Variants in HIBADH observed in about 807,000 individuals in gnomAD.
HIBADH encodes 3-hydroxyisobutyrate dehydrogenase.
In HIBADH, 25 loss-of-function variants were observed where a neutral mutation model predicts 36.1. The observed-to-expected ratio is 0.69, with a 90% CI of 0.50 to 0.97. HIBADH has a LOEUF of 0.97. Among genes scored for constraint, HIBADH ranks in the 50% least tolerant of loss-of-function variants. The pLI is 0.00. For synonymous variants in HIBADH, 160 were observed against 149.5 expected, an observed-to-expected ratio of 1.07 and a Z score of -0.51; for missense variants, 421 against 418.0, an observed-to-expected ratio of 1.01 and a Z score of -0.06.
chr7:27,578,710 T>G (rs1215125087), intron 4 of HIBADH, among the ~76,000 whole-genome samples: 3 of 151,982 alleles, frequency 2.0e-5, no homozygotes, highest in Non-Finnish European at 4.4e-5. Context: ...AAAACCACAT[T>G]TTTTTTTGTT....
chr7:27,658,501 T>C (rs888818229), intron 1 of HIBADH, among the ~76,000 whole-genome samples: 7 of 152,226 alleles, frequency 4.6e-5, no homozygotes, highest in Non-Finnish European at 1.0e-4. Flanking sequence ...CGTATCTTGA[T>C]AACCTTAAGT....
intron 2 of HIBADH, 72 bp downstream of exon 2, chr7:27,649,401 C>T (rs1374543632): frequency 1.5e-5 from 18 of 1,212,492 alleles, no homozygotes; most frequent in Non-Finnish European, 1.8e-5. Flanking sequence ...TTCTAAGAAG[C>T]TGTCACTTAT....
chr7:27,579,607 T>G (rs147355319), intron 4 of HIBADH, among the ~76,000 whole-genome samples: 3 of 152,342 alleles, frequency 2.0e-5, no homozygotes, highest in African/African-American at 7.2e-5. Context: ...TTCGTATTAT[T>G]ACATTGCTGA....
At chr7:27,527,271 AAGG>A (rs1783917534) in intron 7 of HIBADH, among the ~76,000 whole-genome samples, 1 of 152,204 alleles carries the variant, frequency 6.6e-6, no homozygotes, top group Admixed American at 6.5e-5. Flanking sequence ...AAAAGCTTCA[AAGG>A]AGAAGTGACA....
Position 27,629,498 on chromosome 7 carries a change from T to A in HIBADH, c.363-6A>T. ...ATGAGCCCTTCTTCACTTTTCTAAG[T>A]AAATAAATAAAAATATTTGTAGTTT... On this transcript the variant is annotated splice_region_variant and splice_polypyrimidine_tract_variant and intron_variant, in intron 3 of 7. Transcript: ENST00000265395. The A allele has an allele frequency of 6.5e-7, 1 of 1,541,942 alleles. No homozygotes were observed. Among genetic ancestry groups the A allele is most frequent in the Non-Finnish European group, 8.8e-7 (1 of 1,139,964 alleles).
At chr7:27,661,476 T>C (rs1786416311) in intron 1 of HIBADH, among the ~76,000 whole-genome samples, 1 of 150,828 alleles carries the variant, frequency 6.6e-6, no homozygotes, top group African/African-American at 2.4e-5. Context: ...TAATCCCAGC[T>C]ACTCGGGAGG....
chr7:27,650,463 TA>T (rs1414562248), intron 1 of HIBADH, among the ~76,000 whole-genome samples: 60 of 22,064 alleles, frequency 2.7e-3, no homozygotes, highest in East Asian at 0.071. Context: ...ATTATATTTT[TA>T]TTTATTTATT....
intron 1 of HIBADH, among the ~76,000 whole-genome samples, chr7:27,650,642 A>C (rs1786170247): frequency 6.7e-6 from 1 of 149,200 alleles, no homozygotes; most frequent in African/African-American, 2.5e-5. Flanking sequence ...ACAGACACGC[A>C]CCACCATGCC....
At chr7:27,563,396 C>T (rs141609918) in intron 4 of HIBADH, among the ~76,000 whole-genome samples, 2 of 152,168 alleles carry the variant, frequency 1.3e-5, no homozygotes, top group Non-Finnish European at 2.9e-5. Context: ...TTTATCCAGG[C>T]TAGCATGAAG....
chr7:27,535,091 T>C (rs537246520), intron 6 of HIBADH, among the ~76,000 whole-genome samples: 8 of 149,654 alleles, frequency 5.3e-5, no homozygotes, highest in African/African-American at 1.7e-4. Context: ...ATTAAGAAAT[T>C]TGTATGATGG....
intron 2 of HIBADH, among the ~76,000 whole-genome samples, chr7:27,648,512 A>G (rs1786118126): frequency 6.6e-6 from 1 of 152,184 alleles, no homozygotes; most frequent in Admixed American, 6.5e-5. Context: ...TTTCAAGTCT[A>G]TTATCTAGAA....
intron 2 of HIBADH, among the ~76,000 whole-genome samples, chr7:27,634,276 C>T (rs541781936): frequency 1.3e-5 from 2 of 152,194 alleles, no homozygotes; most frequent in South Asian, 4.1e-4. Context: ...CAATGAGATA[C>T]ATTCAACCTG....
intron 4 of HIBADH, among the ~76,000 whole-genome samples, chr7:27,561,574 C>T (rs2128186840): frequency 6.6e-6 from 1 of 152,160 alleles, no homozygotes; most frequent in South Asian, 2.1e-4. Flanking sequence ...TTTGATGTGT[C>T]TTGAGAAATA....
intron 4 of HIBADH, among the ~76,000 whole-genome samples, chr7:27,621,749 A>G: frequency 6.6e-6 from 1 of 152,148 alleles, no homozygotes; most frequent in East Asian, 1.9e-4. Context: ...CCGGGATGGC[A>G]CCACTGCATT....
intron 1 of HIBADH, among the ~76,000 whole-genome samples, chr7:27,661,578 C>G (rs1786418399): frequency 9.7e-6 from 1 of 103,376 alleles, no homozygotes; most frequent in South Asian, 4.2e-4. Flanking sequence ...CGACAGAGAC[C>G]CTGTCTCAAA....
intron 6 of HIBADH, among the ~76,000 whole-genome samples, chr7:27,534,540 T>C (rs778351233): frequency 2.0e-5 from 3 of 152,136 alleles, no homozygotes; most frequent in Non-Finnish European, 2.9e-5. Flanking sequence ...TGCCATATCT[T>C]ATCCCCTCAC....
At position 27,541,610 on chromosome 7, in the gene HIBADH, C is replaced by G. The variant is rs140152526; in HGVS notation, c.618+1357G>C. On this transcript the variant is annotated intron_variant, in intron 5 of 7. Transcript: ENST00000265395. ...TTGAAATGGAGGGCAAACGCAGCCGCAGACCTCAATCCATGGTATGTATCA... is the reference window on the plus strand; with the variant it reads ...TTGAAATGGAGGGCAAACGCAGCCGGAGACCTCAATCCATGGTATGTATCA... The G allele has an allele frequency of 1.5e-4, 42 of 287,634 alleles. No homozygotes were observed. In the East Asian group the frequency reaches 4.6e-3, roughly 32 times the overall value. The allele number at this position is 287,634 out of a possible 1,614,324, so 17.8% of individuals were successfully genotyped here.
chr7:27,566,238 C>A (rs988802477), intron 4 of HIBADH, among the ~76,000 whole-genome samples: 2 of 152,026 alleles, frequency 1.3e-5, no homozygotes, highest in African/African-American at 4.8e-5. Context: ...ACTGCTATTT[C>A]TTTAAATAAG....
At chr7:27,556,308 G>C (rs772629270) in intron 4 of HIBADH, among the ~76,000 whole-genome samples, 61 of 151,972 alleles carry the variant, frequency 4.0e-4, no homozygotes, top group Non-Finnish European at 7.5e-4. Context: ...CCTGATTCTT[G>C]GTCTTTTTCT....
Sources: gnomAD v4.1 joint callset for allele counts (sites outside exome capture counted in the v4.1 genomes callset) on GRCh38, gnomAD v4.1.1 for gene constraint, MANE v1.5 for transcripts, NCBI Gene and HGNC (gene_info 2026-07-23, HGNC 2026-07-21) for gene names.